The following C8orf34 variants were observed in gnomAD, a reference collection of about 807,000 sequenced individuals.
C8orf34 encodes uncharacterized protein C8orf34.
A neutral mutation model predicts 68.3 loss-of-function variants in C8orf34; 65 were observed. That is an observed-to-expected ratio of 0.95 (90% CI 0.78 to 1.17). The LOEUF (loss-of-function observed/expected upper bound fraction) is 1.17. C8orf34 is among the 50% of genes most tolerant of loss of function. The pLI is 0.00. For missense variants in C8orf34, 664 were observed against 655.4 expected (o/e 1.01, Z -0.14); for synonymous variants, 244 against 241.2 (o/e 1.01, Z -0.11).
chr8:68,420,008 A>C (rs927541833), intron 1 of C8orf34, among the ~76,000 whole-genome samples: 1 of 151,622 alleles, frequency 6.6e-6, no homozygotes, highest in African/African-American at 2.4e-5. Flanking sequence ...AAAGACAAAA[A>C]AAAAAGAAAA....
chr8:68,536,774 A>G (rs1158360973), intron 7 of C8orf34, among the ~76,000 whole-genome samples: 1 of 152,166 alleles, frequency 6.6e-6, no homozygotes, highest in African/African-American at 2.4e-5. Flanking sequence ...AAACAATATT[A>G]ATTATGTTTT....
At chr8:68,754,902 AT>A (rs924262225) in intron 10 of C8orf34, among the ~76,000 whole-genome samples, 67 of 152,064 alleles carry the variant, frequency 4.4e-4, no homozygotes, top group Non-Finnish European at 6.5e-4. Flanking sequence ...ACACATTGGA[AT>A]TTTTTTTAGT....
intron 1 of C8orf34, among the ~76,000 whole-genome samples, chr8:68,343,011 C>T (rs551204621): frequency 6.6e-6 from 1 of 152,212 alleles, no homozygotes; most frequent in Non-Finnish European, 1.5e-5. Flanking sequence ...GAGTTTGGTA[C>T]TGTATATAGT....
intron 3 of C8orf34, among the ~76,000 whole-genome samples, chr8:68,458,600 A>C (rs1811650061): frequency 6.6e-6 from 1 of 152,244 alleles, no homozygotes; most frequent in African/African-American, 2.4e-5. Context: ...GGGTTAACAA[A>C]AGTGCCAAAG....
At chr8:68,660,084 G>A (rs1479654143) in intron 8 of C8orf34, among the ~76,000 whole-genome samples, 1 of 152,100 alleles carries the variant, frequency 6.6e-6, no homozygotes, top group Non-Finnish European at 1.5e-5. Context: ...CCAGTCTGGG[G>A]GATTCATCCA....
In C8orf34 at chr8:68,607,160, A is replaced by G. The variant is rs1017938661; in HGVS notation, c.1106-33216A>G. ...TTTGTTCATCGAAAAAAGACAAAGAAGAAAAGGATTATTATTTTCTTCTTC... is the reference window on the plus strand; with the variant it reads ...TTTGTTCATCGAAAAAAGACAAAGAGGAAAAGGATTATTATTTTCTTCTTC... On this transcript the variant is annotated intron_variant, in intron 7 of 13. Transcript: ENST00000518698. 9.7e-4 allele frequency among the ~76,000 whole-genome samples: 147 copies of G among 152,190 alleles called. 2 individuals carry two copies. Among genetic ancestry groups the G allele is most frequent in the Non-Finnish European group, 4.4e-5 (3 of 68,032 alleles).
chr8:68,689,556 A>G (rs989218638), intron 8 of C8orf34, among the ~76,000 whole-genome samples: 2 of 152,088 alleles, frequency 1.3e-5, no homozygotes, highest in African/African-American at 2.4e-5. Context: ...ATATCATTCA[A>G]CACACCAGAA....
intron 4 of C8orf34, among the ~76,000 whole-genome samples, chr8:68,473,871 T>C (rs1264463693): frequency 6.6e-6 from 1 of 152,204 alleles, no homozygotes; most frequent in Non-Finnish European, 1.5e-5. Context: ...AAAATTTCTC[T>C]GGTAGTTGTA....
At chr8:68,342,859 T>A (rs977817310) in intron 1 of C8orf34, among the ~76,000 whole-genome samples, 1 of 152,126 alleles carries the variant, frequency 6.6e-6, no homozygotes. Context: ...AAGAGAAGCC[T>A]TAATGTGCTT....
intron 7 of C8orf34, among the ~76,000 whole-genome samples, chr8:68,573,451 G>T (rs1352344679): frequency 6.6e-6 from 1 of 152,158 alleles, no homozygotes; most frequent in Non-Finnish European, 1.5e-5. Flanking sequence ...TTAGAGCCAG[G>T]CTCCCAGCTA....
chr8:68,390,240 C>T (rs926531727), intron 1 of C8orf34, among the ~76,000 whole-genome samples: 1 of 152,030 alleles, frequency 6.6e-6, no homozygotes, highest in Non-Finnish European at 1.5e-5. Context: ...CTGGACAGCC[C>T]CTTAATGTGT....
chr8:68,776,346 C>A, intron 10 of C8orf34, 53 bp from the exon 11 acceptor site: 2 of 1,389,510 alleles, frequency 1.4e-6, no homozygotes, highest in Non-Finnish European at 2.0e-6. Flanking sequence ...TTCTTTCATT[C>A]TTTTTCTCTC....
At chr8:68,804,923 T>A (rs973810884) in intron 12 of C8orf34, among the ~76,000 whole-genome samples, 1 of 152,212 alleles carries the variant, frequency 6.6e-6, no homozygotes, top group Non-Finnish European at 1.5e-5. Flanking sequence ...AGGCTCCTTA[T>A]GGCAAAACCT....
intron 1 of C8orf34, among the ~76,000 whole-genome samples, chr8:68,372,231 C>T (rs575103194): frequency 5.0e-4 from 76 of 152,216 alleles, no homozygotes; most frequent in African/African-American, 1.8e-3. Context: ...TAATTCATTA[C>T]AGAGAATTGA....
chr8:68,662,692 T>C (rs7007623), intron 8 of C8orf34, among the ~76,000 whole-genome samples: 43,105 of 152,078 alleles, frequency 0.28, 6,686 homozygotes, highest in East Asian at 0.56. Context: ...ATGTCTTTAT[T>C]AGCAGCATGA....
chr8:68,396,705 T>A (rs1808722600), intron 1 of C8orf34, among the ~76,000 whole-genome samples: 1 of 112,416 alleles, frequency 8.9e-6, no homozygotes, highest in African/African-American at 3.7e-5. Context: ...CTGCAAAAGC[T>A]GCTTGTCAAA....
At chr8:68,518,092 TA>T (rs1814594086) in intron 5 of C8orf34, among the ~76,000 whole-genome samples, 1 of 152,208 alleles carries the variant, frequency 6.6e-6, no homozygotes, top group Admixed American at 6.5e-5. Context: ...GTATCTGGCT[TA>T]TACACAGAAT....
chr8:68,507,877 G>A (rs1814093327), intron 5 of C8orf34, among the ~76,000 whole-genome samples: 1 of 152,124 alleles, frequency 6.6e-6, no homozygotes, highest in African/African-American at 2.4e-5. Context: ...TTTAAGACAA[G>A]CCTATTTTTC....
At chr8:68,437,078 C>T (rs932712581) in intron 1 of C8orf34, among the ~76,000 whole-genome samples, 2 of 152,170 alleles carry the variant, frequency 1.3e-5, no homozygotes, top group African/African-American at 4.8e-5. Context: ...CAAACATCGA[C>T]TATGATCATT....
Sources: allele counts gnomAD v4.1 joint callset (sites outside exome capture counted in the v4.1 genomes callset), GRCh38; gene constraint gnomAD v4.1.1; transcripts MANE v1.5; gene names NCBI Gene and HGNC (gene_info 2026-07-23, HGNC 2026-07-21).